Variants in NAE1 observed in about 807,000 individuals in gnomAD.
The protein encoded by NAE1 is NEDD8 activating enzyme E1 subunit 1.
NAE1 carries 59 observed loss-of-function variants against 88.0 expected under a neutral mutation model. That is an observed-to-expected ratio of 0.67 (90% CI 0.54 to 0.83). The LOEUF is 0.83. Among genes scored for constraint, NAE1 ranks in the 40% least tolerant of loss-of-function variants. The pLI is 0.00. For missense variants in NAE1, 554 were observed against 632.8 expected (o/e 0.88, Z 1.34); for synonymous variants, 186 against 208.9 (o/e 0.89, Z 0.95).
At chr16:66,808,651 T>G (rs1210301780) in intron 16 of NAE1, 38 bp from the exon 17 acceptor site, 1 of 1,426,322 alleles carries the variant, frequency 7.0e-7, no homozygotes, top group East Asian at 2.3e-5. Context: ...TTTGGTTAAT[T>G]TGCAATGTAA....
At chr16:66,821,641 T>TTTAGAATTATCTTTCTTTAACGTTTCTC in intron 6 of NAE1, 82 bp from the exon 7 acceptor site, 1 of 1,177,760 alleles carries the variant, frequency 8.5e-7, no homozygotes, top group Non-Finnish European at 1.1e-6. Flanking sequence ...CATGAAAATG[T>TTTAGAATTATCTTTCTTTAACGTTTCTC]CTTACAGCAA....
intron 4 of NAE1, 61 bp downstream of exon 4, chr16:66,824,794 C>A: frequency 7.0e-7 from 1 of 1,426,632 alleles, no homozygotes; most frequent in Non-Finnish European, 9.6e-7. Context: ...GCTTTTCAAG[C>A]AATCAAAACA....
chr16:66,816,475 T>C, intron 11 of NAE1, 106 bp downstream of exon 11: 1 of 887,414 alleles, frequency 1.1e-6, no homozygotes, highest in Non-Finnish European at 1.8e-6. Context: ...TTTCTAACTA[T>C]ACATTTAGAA....
At chr16:66,807,221 C>T (rs550884979) in intron 17 of NAE1, among the ~76,000 whole-genome samples, 68 of 152,184 alleles carry the variant, frequency 4.5e-4, no homozygotes, top group Non-Finnish European at 7.9e-4. Context: ...TTTTAAACCA[C>T]TAAGTTTTGA....
At chr16:66,809,238 C>A (rs1026985755) in intron 15 of NAE1, among the ~76,000 whole-genome samples, 163 bp from the exon 16 acceptor site, 1 of 152,148 alleles carries the variant, frequency 6.6e-6, no homozygotes, top group Non-Finnish European at 1.5e-5. Flanking sequence ...AGCACTAGAA[C>A]ATGAATCACC....
Position 66,817,162 on chromosome 16 carries a change from T to G in NAE1, c.685-134A>C, listed in dbSNP as rs1192569834. On this transcript the variant is annotated intron_variant, in intron 9 of 19. Transcript: ENST00000290810. ...TTTCTCTGTGAAATCAGAGGCTCAC[T>G]TGATAGAAAACAGACACTGTGACCA... is the stretch of plus-strand genomic sequence containing the variant. 4 of 1,252,844 alleles carry G rather than the reference T, an allele frequency of 3.2e-6. No homozygotes were observed. In the East Asian group the frequency reaches 7.9e-5, roughly 25 times the overall value. The allele number at this position is 1,252,844 out of a possible 1,614,324, so 77.6% of individuals were successfully genotyped here. A position where few individuals can be genotyped will look rare whatever the true frequency, so the allele number is the denominator to read the frequency against.
rs1567484397 is a variant in NAE1 at position 66,802,925 on chromosome 16, C to T, written c.*84G>A. On this transcript the variant is annotated 3_prime_UTR_variant, in exon 20 of 20. Transcript: ENST00000290810. ...TTAAGAAAACAATTTAGCAGCTCTC[C>T]TTTAGAATTTTACAGACTAAAGCAC... The T allele has an allele frequency of 2.4e-6, 2 of 827,424 alleles. No individual in the cohort carries two copies. Among genetic ancestry groups the T allele is most frequent in the African/African-American group, 1.7e-5 (1 of 57,684 alleles). 51.3% of individuals were successfully genotyped at this position (827,424 alleles called of 1,614,324 possible). A position where few individuals can be genotyped will look rare whatever the true frequency, so the allele number is the denominator to read the frequency against.
At chr16:66,803,565 T>C (rs1476418959) in intron 19 of NAE1, among the ~76,000 whole-genome samples, 1 of 152,078 alleles carries the variant, frequency 6.6e-6, no homozygotes, top group Non-Finnish European at 1.5e-5. Context: ...AAGATTCCTC[T>C]TTCCCAAATA....
rs758962130 is a variant in NAE1, at chr16:66,818,498, T to C, written c.621+30A>G. The C allele has an allele frequency of 8.4e-6, 13 of 1,548,626 alleles. No homozygotes were observed. The African/African-American group carries it at 1.4e-4, about 17-fold the overall frequency. ...GTTAAAAAAATGTTTTAAGTCTATC[T>C]GTAAATGTAAGGTCACACACACTAC... On this transcript the variant is annotated intron_variant, in intron 8 of 19. Transcript: ENST00000290810.
intron 1 of NAE1, among the ~76,000 whole-genome samples, chr16:66,830,614 ACCCCGT>A (rs1318126598): frequency 6.6e-6 from 1 of 152,118 alleles, no homozygotes; most frequent in African/African-American, 2.4e-5. Flanking sequence ...GGCGCTGGGG[ACCCCGT>A]CCCCCGAACT....
intron 2 of NAE1, 39 bp from the exon 3 acceptor site, chr16:66,826,622 CTAGGTCA>C (rs773532234): frequency 1.2e-6 from 2 of 1,613,776 alleles, no homozygotes; most frequent in Non-Finnish European, 8.5e-7. Flanking sequence ...ATACATAGTT[CTAGGTCA>C]TAAACTTAAA....
chr16:66,822,487 C>A (rs1341793157), intron 6 of NAE1, among the ~76,000 whole-genome samples: 1 of 151,878 alleles, frequency 6.6e-6, no homozygotes, highest in African/African-American at 2.4e-5. Context: ...ACGAGAGTTA[C>A]CTGAACCCAG....
intron 14 of NAE1, 72 bp downstream of exon 14, chr16:66,810,625 C>CT (rs1959756561): frequency 1.4e-6 from 2 of 1,383,532 alleles, no homozygotes; most frequent in Non-Finnish European, 2.0e-6. Context: ...GCCACACCCT[C>CT]TGTCTCTAAA....
intron 7 of NAE1, 136 bp downstream of exon 7, chr16:66,821,314 G>A (rs1343119777): frequency 6.3e-5 from 72 of 1,134,414 alleles, no homozygotes; most frequent in Non-Finnish European, 8.0e-5. Flanking sequence ...GAATCTGATT[G>A]CCACTTTGAA....
intron 6 of NAE1, among the ~76,000 whole-genome samples, chr16:66,822,086 A>T (rs375993628): frequency 6.6e-6 from 1 of 152,120 alleles, no homozygotes; most frequent in Non-Finnish European, 1.5e-5. Context: ...AGGTGGTCTT[A>T]AACTCCTGTG....
At chr16:66,829,289 T>C (rs745876107) in intron 1 of NAE1, among the ~76,000 whole-genome samples, 1 of 152,202 alleles carries the variant, frequency 6.6e-6, no homozygotes, top group Non-Finnish European at 1.5e-5. Flanking sequence ...ATACCTGCAT[T>C]AGAAACACAA....
At chr16:66,826,233 C>T (rs753003559) in intron 3 of NAE1, 11 of 382,926 alleles carry the variant, frequency 2.9e-5, no homozygotes, top group Non-Finnish European at 4.8e-5. Context: ...CTAACACCTA[C>T]GGATCAATAC....
At chr16:66,818,402 G>C (rs1473935703) in intron 8 of NAE1, 126 bp downstream of exon 8, 28 of 693,254 alleles carry the variant, frequency 4.0e-5, no homozygotes, top group Non-Finnish European at 5.3e-5. Context: ...TACTGTTATT[G>C]GGTAATCGGG....
In NAE1 at chr16:66,830,879, C is replaced by G. The variant is rs752900059; in HGVS notation, c.21G>C (p.Leu7=). 2 of 1,534,176 alleles carry G rather than the reference C, an allele frequency of 1.3e-6. No homozygotes were observed. Among genetic ancestry groups the G allele is most frequent in the Non-Finnish European group, 8.7e-7 (1 of 1,149,814 alleles). The change falls in exon 1 of 20, where the codon CTG becomes CTC. Residue 7 remains leucine (L), a synonymous_variant. Transcript: ENST00000290810. ...GCCGGTCGTACTTCTGCTCCTTGAG[C>G]AGCTTTCCCAGCTGCGCCATGGCCG... The part of the protein sequence containing the change: MAQLGK[L]LKEQKYDRQL...
Sources: gnomAD v4.1 joint callset for allele counts (sites outside exome capture counted in the v4.1 genomes callset) on GRCh38, gnomAD v4.1.1 for gene constraint, MANE v1.5 for transcripts, NCBI Gene and HGNC (gene_info 2026-07-23, HGNC 2026-07-21) for gene names.